MS4A6E: variants seen among roughly 807,000 people sequenced by gnomAD.
MS4A6E encodes membrane spanning 4-domains A6E, also known as membrane-spanning 4-domains subfamily A member 6E.
Under a neutral mutation model 13.2 loss-of-function variants are expected in MS4A6E, and 8 were observed. That is an observed-to-expected ratio of 0.60 (90% CI 0.35 to 1.09). The LOEUF (loss-of-function observed/expected upper bound fraction) is 1.09. MS4A6E is among the 50% of genes least tolerant of loss of function. The probability of loss-of-function intolerance (pLI) is 0.02; values close to 1 mark genes in which losing one functional copy is unlikely to be tolerated. For synonymous variants in MS4A6E, 72 were observed against 67.6 expected (o/e 1.06, Z -0.32); for missense variants, 177 against 171.1 (o/e 1.03, Z -0.19).
At chr11:60,334,251 C>T (rs1208177813) in intron 1 of MS4A6E, among the ~76,000 whole-genome samples, 2 of 152,098 alleles carry the variant, frequency 1.3e-5, no homozygotes, top group African/African-American at 4.8e-5. Context: ...TTACAGGCTC[C>T]AGACAAGAAA....
At chr11:60,348,734 T>C (rs764254593) in intron 4 of MS4A6E, among the ~76,000 whole-genome samples, 2 of 152,222 alleles carry the variant, frequency 1.3e-5, no homozygotes, top group Non-Finnish European at 2.9e-5. Flanking sequence ...AGAAACTGAT[T>C]CAAAATATGG....
At chr11:60,337,045 C>T (rs1256233690) in intron 2 of MS4A6E, among the ~76,000 whole-genome samples, 1 of 152,100 alleles carries the variant, frequency 6.6e-6, no homozygotes, top group Non-Finnish European at 1.5e-5. Flanking sequence ...CTCCCGCTGC[C>T]TCCCACACAT....
rs1160366969 is a variant in MS4A6E, at chr11:60,341,169, T to C, written c.*403T>C. On this transcript the variant is annotated 3_prime_UTR_variant, in exon 5 of 5. Coordinates refer to ENST00000684409, the MANE Select transcript of MS4A6E (RefSeq NM_139249.4). ...TACAGCTTTTTCTTATACTCCTCAATTGTGAACAGGAGTTAACTGATTTGC... is the reference window on the plus strand; with the variant it reads ...TACAGCTTTTTCTTATACTCCTCAACTGTGAACAGGAGTTAACTGATTTGC... Among the ~76,000 whole-genome samples, 1 of 152,164 alleles carries C rather than the reference T, an allele frequency of 6.6e-6. No individual in the cohort carries two copies. Among genetic ancestry groups the C allele is most frequent in the Non-Finnish European group, 1.5e-5 (1 of 68,026 alleles).
At position 60,335,345 on chromosome 11, in the gene MS4A6E, T is replaced by C. The variant is rs139685917; in HGVS notation, c.147+303T>C. 5.7e-3 allele frequency among the ~76,000 whole-genome samples: 869 copies of C among 152,360 alleles called. 11 individuals are homozygous for C. Among genetic ancestry groups the C allele is most frequent in the African/African-American group, 0.019 (807 of 41,572 alleles). On this transcript the variant is annotated intron_variant, in intron 2 of 4. Transcript: ENST00000684409. ...AGTAATGGTGGTAAATAATGACATA[T>C]TGTATATACATTTTTCTGTATTTCA...
At chr11:60,341,586 TGCACACACAC>T (rs1219891262), downstream of MS4A6E, among the ~76,000 whole-genome samples, 1 of 139,786 alleles carries the variant, frequency 7.2e-6, no homozygotes, top group Non-Finnish European at 1.5e-5. Flanking sequence ...ACCTTGCTCA[TGCACACACAC>T]GCACACACAC....
At chr11:60,334,120 C>T (rs4506675) in intron 1 of MS4A6E, among the ~76,000 whole-genome samples, 55,897 of 152,034 alleles carry the variant, frequency 0.37, 10,750 homozygotes, top group East Asian at 0.41. Flanking sequence ...TTCTGTCTTA[C>T]ATGACTCAGA....
At chr11:60,339,601 G>A (rs750901958) in intron 3 of MS4A6E, among the ~76,000 whole-genome samples, 77 of 152,304 alleles carry the variant, frequency 5.1e-4, no homozygotes, top group Non-Finnish European at 4.9e-4. Context: ...AACTACGTAC[G>A]TCTCAAAGAA....
chr11:60,337,142 T>C (rs2085192897), intron 2 of MS4A6E, among the ~76,000 whole-genome samples: 1 of 152,102 alleles, frequency 6.6e-6, no homozygotes, highest in Non-Finnish European at 1.5e-5. Flanking sequence ...CCTGCCCAGG[T>C]TCCAGGGCCT....
chr11:60,333,250 C>A (rs1428270243), intron 1 of MS4A6E, among the ~76,000 whole-genome samples: 1 of 152,024 alleles, frequency 6.6e-6, no homozygotes, highest in Non-Finnish European at 1.5e-5. Context: ...GAATTTTTTT[C>A]TTTCTATCCC....
In MS4A6E at chr11:60,337,745, A is replaced by G. The variant is rs755132171; in HGVS notation, c.152A>G (p.His51Arg). The part of the protein sequence containing the change: ...LQAKVKVIGV[H>R]SSLAGSILSA... ...TACCCAGCATGTCTCTTTCAGGTGC[A>G]TAGCAGCCTGGCTGGAAGCATTCTG... is the stretch of plus-strand genomic sequence containing the variant. The change falls in exon 3 of 5, where the codon CAT (histidine) becomes CGT (arginine). Residue 51 changes from histidine to arginine, a missense_variant. Coordinates refer to ENST00000684409, the MANE Select transcript of MS4A6E (RefSeq NM_139249.4). The G allele has an allele frequency of 1.2e-6, 2 of 1,614,200 alleles. No individual in the cohort carries two copies. The highest frequency in any genetic ancestry group is 2.2e-5 in the South Asian group (2 of 91,084).
rs542975857 is a variant in MS4A6E at position 60,330,228 on chromosome 11, C to T, written c.-15+2820C>T. The stretch of plus-strand genomic sequence containing the variant: ...AGCCCTTTGTCAGATGGATAGATTG[C>T]AAAAATTTTCTCCCATTCTGTAGGT... On this transcript the variant is annotated intron_variant, in intron 1 of 4. Coordinates refer to ENST00000684409, the MANE Select transcript of MS4A6E (RefSeq NM_139249.4). Among the ~76,000 whole-genome samples, 105 of 149,598 alleles carry T rather than the reference C, an allele frequency of 7.0e-4. 5 individuals carry two copies. Among genetic ancestry groups the T allele is most frequent in the African/African-American group, 2.2e-3 (89 of 40,442 alleles).
intron 1 of MS4A6E, among the ~76,000 whole-genome samples, chr11:60,328,540 C>G (rs1013274347): frequency 6.6e-6 from 1 of 151,972 alleles, no homozygotes; most frequent in Non-Finnish European, 1.5e-5. Context: ...CACACACACA[C>G]ACACACACAC....
chr11:60,335,769 A>G, intron 2 of MS4A6E: 1 of 329,332 alleles, frequency 3.0e-6, no homozygotes, highest in South Asian at 2.5e-5. Flanking sequence ...ACTTCTTGGT[A>G]AATGATAATA....
At chr11:60,346,838 C>A (rs2085258081) in intron 4 of MS4A6E, among the ~76,000 whole-genome samples, 1 of 152,184 alleles carries the variant, frequency 6.6e-6, no homozygotes, top group South Asian at 2.1e-4. Flanking sequence ...AATTTCTCTG[C>A]TAGCTGCAGA....
intron 1 of MS4A6E, among the ~76,000 whole-genome samples, chr11:60,331,879 C>T (rs10897044): frequency 0.36 from 54,438 of 151,964 alleles, 10,270 homozygotes; most frequent in East Asian, 0.41. Flanking sequence ...TTGCTCCTTT[C>T]GACCATGAGA....
intron 3 of MS4A6E, among the ~76,000 whole-genome samples, chr11:60,339,575 T>A (rs945828378): frequency 6.6e-6 from 1 of 152,186 alleles, no homozygotes; most frequent in Non-Finnish European, 1.5e-5. Context: ...TCTTACTGAG[T>A]GAACAATGTC....
chr11:60,346,923 C>G (rs1255111095), intron 4 of MS4A6E, among the ~76,000 whole-genome samples: 5 of 152,198 alleles, frequency 3.3e-5, no homozygotes, highest in African/African-American at 7.2e-5. Context: ...GGTCAAACAC[C>G]TGAGTTAAAG....
intron 2 of MS4A6E, among the ~76,000 whole-genome samples, chr11:60,337,369 G>T (rs2085194262): frequency 6.6e-6 from 1 of 152,164 alleles, no homozygotes; most frequent in African/African-American, 2.4e-5. Flanking sequence ...TTCTGAGTTG[G>T]CCGAGAGAGA....
intron 2 of MS4A6E, 124 bp downstream of exon 2, chr11:60,335,166 G>A (rs2085181028): frequency 7.4e-7 from 1 of 1,348,882 alleles, no homozygotes; most frequent in Non-Finnish European, 1.0e-6. Flanking sequence ...GGACTTTGGG[G>A]TAGAAGCCAC....
Sources: gnomAD v4.1 joint callset for allele counts (sites outside exome capture counted in the v4.1 genomes callset) on GRCh38, gnomAD v4.1.1 for gene constraint, MANE v1.5 for transcripts, NCBI Gene and HGNC (gene_info 2026-07-23, HGNC 2026-07-21) for gene names.